MACROD2: variants seen among roughly 807,000 people sequenced by gnomAD.
MACROD2 encodes ADP-ribose glycohydrolase MACROD2.
Under a neutral mutation model 70.4 loss-of-function variants are expected in MACROD2, and 36 were observed. The ratio of observed to expected loss-of-function variants is 0.51; its 90% CI spans 0.39 to 0.68. MACROD2 has a LOEUF of 0.68. Ranked by LOEUF, MACROD2 falls within the 30% of genes least tolerant of loss-of-function variation. The pLI, the probability that MACROD2 is intolerant of heterozygous loss-of-function variation, is 0.00. For synonymous variants in MACROD2, 172 were observed against 178.8 expected, an observed-to-expected ratio of 0.96 and a Z score of 0.30; for missense variants, 496 against 538.4, an observed-to-expected ratio of 0.92 and a Z score of 0.78.
At chr20:15,863,223 C>G (rs1295209769) in intron 9 of MACROD2, among the ~76,000 whole-genome samples, 1 of 152,066 alleles carries the variant, frequency 6.6e-6, no homozygotes, top group Non-Finnish European at 1.5e-5. Context: ...AATTGTAAGC[C>G]CATTTATATT....
At chr20:15,154,207 TA>T (rs1168954046) in intron 5 of MACROD2, among the ~76,000 whole-genome samples, 1 of 152,194 alleles carries the variant, frequency 6.6e-6, no homozygotes, top group Non-Finnish European at 1.5e-5. Context: ...AGAAGCAGTA[TA>T]GCCCCTGCCA....
intron 8 of MACROD2, among the ~76,000 whole-genome samples, chr20:15,774,990 G>A (rs2051696970): frequency 6.6e-6 from 1 of 152,242 alleles, no homozygotes; most frequent in South Asian, 2.1e-4. Context: ...GAAAGGAGAA[G>A]TTTGTTTCTC....
chr20:14,930,773 A>AAAG (rs1287825126), intron 5 of MACROD2, among the ~76,000 whole-genome samples: 1 of 149,872 alleles, frequency 6.7e-6, no homozygotes, highest in Non-Finnish European at 1.5e-5. Context: ...TCTTAAAAAA[A>AAAG]AAAAAAAAAA....
At chr20:14,187,287 A>T (rs974647889) in intron 3 of MACROD2, among the ~76,000 whole-genome samples, 1 of 152,182 alleles carries the variant, frequency 6.6e-6, no homozygotes, top group African/African-American at 2.4e-5. Flanking sequence ...TGTAAATGAC[A>T]TTGGAGAATC....
At position 15,169,054 on chromosome 20, in the gene MACROD2, G is replaced by T. The variant is rs552791769; in HGVS notation, c.419-60886G>T. Among the ~76,000 whole-genome samples the T allele has an allele frequency of 2.0e-5, 3 of 152,226 alleles. No individual in the cohort carries two copies. In the South Asian group the frequency reaches 6.2e-4, roughly 32 times the overall value. On this transcript the variant is annotated intron_variant, in intron 5 of 17. Transcript: ENST00000684519. ...TATGGGTATGAGTTCAATTTGGGAA[G>T]ATGAAAAAGTTCTGGAGACAGATGG...
chr20:15,767,801 T>A (rs1398768430), intron 8 of MACROD2, among the ~76,000 whole-genome samples: 1 of 152,234 alleles, frequency 6.6e-6, no homozygotes, highest in Non-Finnish European at 1.5e-5. Context: ...ATGATTTTTC[T>A]TTTTCTGTTT....
chr20:14,449,170 C>T (rs2084217909), intron 3 of MACROD2, among the ~76,000 whole-genome samples: 1 of 151,910 alleles, frequency 6.6e-6, no homozygotes, highest in Non-Finnish European at 1.5e-5. Context: ...TAAAAAGAAA[C>T]AATATCCTCA....
At position 14,683,852 on chromosome 20, in the gene MACROD2, T is replaced by A. The variant is rs530704742; in HGVS notation, c.302-991T>A. Among the ~76,000 whole-genome samples, 174 of 151,184 alleles carry A rather than the reference T, an allele frequency of 1.2e-3. 1 individual carries two copies. The highest frequency in any genetic ancestry group is 2.3e-3 in the Admixed American group (35 of 15,068). On this transcript the variant is annotated intron_variant, in intron 4 of 17. Coordinates refer to ENST00000684519, the MANE Select transcript of MACROD2 (RefSeq NM_001351661.2). ...TACTACTCTCTCTTTTCCTTTATTTTATAATCTTGCTTTTTTTTTCTATCC... is the reference window on the plus strand; with the variant it reads ...TACTACTCTCTCTTTTCCTTTATTTAATAATCTTGCTTTTTTTTTCTATCC...
chr20:14,805,625 C>G (rs1319008686), intron 5 of MACROD2, among the ~76,000 whole-genome samples: 1 of 152,004 alleles, frequency 6.6e-6, no homozygotes, highest in Non-Finnish European at 1.5e-5. Context: ...AGTAACAGAG[C>G]CAGGGTTCAA....
intron 5 of MACROD2, among the ~76,000 whole-genome samples, chr20:15,058,325 C>A (rs1464352987): frequency 6.6e-6 from 1 of 152,142 alleles, no homozygotes; most frequent in Non-Finnish European, 1.5e-5. Context: ...ACCTGGTGAT[C>A]TGTCCCTTGC....
rs1008683602 is a variant in MACROD2 at position 14,704,247 on chromosome 20, C to G, written c.418+19288C>G. Among the ~76,000 whole-genome samples, 27 of 152,240 alleles carry G rather than the reference C, an allele frequency of 1.8e-4. No individual in the cohort carries two copies. In the South Asian group the frequency reaches 2.1e-3, roughly 12 times the overall value. ...CCACAGGCCCAAATCTTCATCGTCCCCCAAACTGCTGCCCTGTTGTCCCTG... is the reference window on the plus strand; with the variant it reads ...CCACAGGCCCAAATCTTCATCGTCCGCCAAACTGCTGCCCTGTTGTCCCTG... On this transcript the variant is annotated intron_variant, in intron 5 of 17. Coordinates refer to ENST00000684519, the MANE Select transcript of MACROD2 (RefSeq NM_001351661.2).
intron 3 of MACROD2, among the ~76,000 whole-genome samples, chr20:14,222,828 A>G (rs2081690988): frequency 3.5e-5 from 2 of 56,996 alleles, no homozygotes; most frequent in Middle Eastern, 7.6e-3. Context: ...AAAAAAAAAA[A>G]AAAAAAAAAA....
At chr20:14,193,813 C>T (rs1046814843) in intron 3 of MACROD2, among the ~76,000 whole-genome samples, 5 of 152,202 alleles carry the variant, frequency 3.3e-5, no homozygotes, top group Admixed American at 2.0e-4. Flanking sequence ...CTCTAGGGGT[C>T]AGCCTCCTGA....
chr20:15,525,286 G>T (rs180705851), intron 8 of MACROD2, among the ~76,000 whole-genome samples: 51 of 152,198 alleles, frequency 3.4e-4, no homozygotes, highest in African/African-American at 1.2e-3. Flanking sequence ...CCCACTAAGA[G>T]CCCCAAGGAA....
chr20:15,023,933 T>A (rs2075210037), intron 5 of MACROD2, among the ~76,000 whole-genome samples: 1 of 152,114 alleles, frequency 6.6e-6, no homozygotes, highest in Non-Finnish European at 1.5e-5. Context: ...CAAATGGGGA[T>A]AAAGGTACTA....
Position 14,136,034 on chromosome 20 carries a change from A to G in MACROD2, c.271+50306A>G, listed in dbSNP as rs1238988038. On this transcript the variant is annotated intron_variant, in intron 3 of 17. Transcript: ENST00000684519. ...AATAAAAGGCAGAATGGAAGGACATAAGTAAAATAGTCTTTATCTACAGAT... is the reference window on the plus strand; with the variant it reads ...AATAAAAGGCAGAATGGAAGGACATGAGTAAAATAGTCTTTATCTACAGAT... Among the ~76,000 whole-genome samples the G allele has an allele frequency of 2.0e-5, 3 of 152,210 alleles. No individual in the cohort carries two copies. The East Asian group carries it at 5.8e-4, about 29-fold the overall frequency.
intron 5 of MACROD2, among the ~76,000 whole-genome samples, chr20:15,083,132 CT>C (rs2075718078): frequency 6.6e-6 from 1 of 152,110 alleles, no homozygotes; most frequent in Admixed American, 6.6e-5. Context: ...AATGGACTTC[CT>C]TGTGGGTTTC....
At chr20:15,879,982 G>T (rs4814409) in intron 9 of MACROD2, among the ~76,000 whole-genome samples, 110,154 of 152,052 alleles carry the variant, frequency 0.72, 41,351 homozygotes, top group East Asian at 0.85. Flanking sequence ...AATGAGGCCG[G>T]AGGAGTTCCC....
intron 8 of MACROD2, among the ~76,000 whole-genome samples, chr20:15,614,425 T>C (rs1275506147): frequency 6.6e-6 from 1 of 152,210 alleles, no homozygotes; most frequent in Admixed American, 6.5e-5. Flanking sequence ...ATCCTGGAAT[T>C]GCAATTCATT....
Sources: gnomAD v4.1 joint callset for allele counts (sites outside exome capture counted in the v4.1 genomes callset) on GRCh38, gnomAD v4.1.1 for gene constraint, MANE v1.5 for transcripts, NCBI Gene and HGNC (gene_info 2026-07-23, HGNC 2026-07-21) for gene names.